The following PCDHGB6 variants were observed in gnomAD, a reference collection of about 807,000 sequenced individuals.
PCDHGB6 encodes protocadherin gamma subfamily B, 6.
A neutral mutation model predicts 59.1 loss-of-function variants in PCDHGB6; 51 were observed. The ratio of observed to expected loss-of-function variants is 0.86; its 90% CI spans 0.69 to 1.09. PCDHGB6 has a LOEUF of 1.09. Ranked by LOEUF, PCDHGB6 falls within the 50% of genes least tolerant of loss-of-function variation. PCDHGB6 has a pLI of 0.00. For missense variants in PCDHGB6, 1,148 were observed against 1,205.1 expected (o/e 0.95, Z 0.70); for synonymous variants, 466 against 495.1 (o/e 0.94, Z 0.78).
chr5:141,422,976 G>A lies in PCDHGB6; in HGVS notation c.2418+12356G>A, dbSNP rs558006468. On this transcript the variant is annotated intron_variant, in intron 1 of 3. Transcript: ENST00000520790. The stretch of plus-strand genomic sequence containing the variant: ...GCGTGGAGCTGGCGCCCCGCTCTGC[G>A]GAACCTGGCTACCTGGTGACCAAGG... 27 of 1,614,212 alleles carry A rather than the reference G, an allele frequency of 1.7e-5. No homozygotes were observed. In the East Asian group the frequency reaches 4.7e-4, roughly 28 times the overall value.
intron 1 of PCDHGB6, chr5:141,414,929 C>T (rs2095802879): frequency 6.2e-7 from 1 of 1,614,152 alleles, no homozygotes; most frequent in Non-Finnish European, 8.5e-7. Context: ...GCGCCCCGCT[C>T]CGCAGAGCCC....
At position 141,490,591 on chromosome 5, in the gene PCDHGB6, G is replaced by A; in HGVS notation, c.2419-4216G>A. 1 of 1,614,100 alleles carries A rather than the reference G, an allele frequency of 6.2e-7. No homozygotes were observed. Among genetic ancestry groups the A allele is most frequent in the African/African-American group, 1.3e-5 (1 of 75,016 alleles). ...CAACATTTCAGATGTCAATGACAAT[G>A]CACCCCGCTTCAACCAGCAGCTTTA... On this transcript the variant is annotated intron_variant, in intron 1 of 3. Coordinates refer to ENST00000520790, the MANE Select transcript of PCDHGB6 (RefSeq NM_018926.3). This position sits in a 1 kb window ranked among gnomAD's most constrained non-coding sequence, Gnocchi z 5.4.
intron 1 of PCDHGB6, among the ~76,000 whole-genome samples, chr5:141,474,266 G>A (rs1420620306): frequency 6.6e-6 from 1 of 152,186 alleles, no homozygotes; most frequent in Non-Finnish European, 1.5e-5. Context: ...ATAAACCAGT[G>A]TATCTCTGAA....
chr5:141,441,750 A>C, intron 1 of PCDHGB6: 1 of 374,962 alleles, frequency 2.7e-6, no homozygotes, highest in South Asian at 2.1e-5. Context: ...GCTCGGCGTC[A>C]ACGTGAGCCT....
chr5:141,414,909 C>G (rs1230113440), intron 1 of PCDHGB6: 4 of 1,614,220 alleles, frequency 2.5e-6, no homozygotes, highest in Non-Finnish European at 3.4e-6. Context: ...GTTCCACAGG[C>G]GTGGAGCTGG....
intron 1 of PCDHGB6, among the ~76,000 whole-genome samples, chr5:141,492,170 C>A (rs1383768075): frequency 6.6e-6 from 1 of 152,226 alleles, no homozygotes; most frequent in Non-Finnish European, 1.5e-5. Context: ...ATCCCCGCAT[C>A]ACCCAACCGC....
rs1594951324 is a variant in PCDHGB6, at chr5:141,490,871, T to G, written c.2419-3936T>G. 6.2e-7 allele frequency: 1 copy of G among 1,613,918 alleles called. No individual in the cohort carries two copies. The highest frequency in any genetic ancestry group is 8.5e-7 in the Non-Finnish European group (1 of 1,179,944). On this transcript the variant is annotated intron_variant, in intron 1 of 3. Coordinates refer to ENST00000520790, the MANE Select transcript of PCDHGB6 (RefSeq NM_018926.3). This position sits in a 1 kb window ranked among gnomAD's most constrained non-coding sequence, Gnocchi z 5.4. ...GTTCGAGACTCCGGCTCTCCCCCAT[T>G]GCATGCCAACACATCTCTGCATGTG...
chr5:141,489,111 C>G lies in PCDHGB6; in HGVS notation c.2419-5696C>G. 1.9e-6 allele frequency: 1 copy of G among 518,042 alleles called. No individual in the cohort carries two copies. Among genetic ancestry groups the G allele is most frequent in the Non-Finnish European group, 3.2e-6 (1 of 308,182 alleles). The allele number at this position is 518,042 out of a possible 1,614,324, so 32.1% of individuals were successfully genotyped here. The stretch of plus-strand genomic sequence containing the variant: ...GTGACTAAGAACTGCTGCAAGCAGG[C>G]AAACCTCCGAGCAGTTTTTAAGAGG... On this transcript the variant is annotated intron_variant, in intron 1 of 3. Coordinates refer to ENST00000520790, the MANE Select transcript of PCDHGB6 (RefSeq NM_018926.3). This position sits in a 1 kb window ranked among gnomAD's most constrained non-coding sequence, Gnocchi z 4.5.
intron 1 of PCDHGB6, chr5:141,421,236 TCGGCTACAG>T (rs761399164): frequency 3.8e-5 from 60 of 1,594,916 alleles, no homozygotes; most frequent in Non-Finnish European, 5.1e-5. Flanking sequence ...CCATGGCGAA[TCGGCTACAG>T]CGCGGGGACC....
intron 1 of PCDHGB6, among the ~76,000 whole-genome samples, chr5:141,465,592 A>G (rs1485357197): frequency 6.6e-6 from 1 of 152,046 alleles, no homozygotes; most frequent in Non-Finnish European, 1.5e-5. Flanking sequence ...TAATAATCAG[A>G]TCTTATCACT....
At chr5:141,411,250 T>C (rs1009574489) in intron 1 of PCDHGB6, 1 of 152,156 alleles carries the variant, frequency 6.6e-6, no homozygotes, top group African/African-American at 2.4e-5. Context: ...ATTTACGATA[T>C]CTTATTTATA....
chr5:141,490,151 T>C lies in PCDHGB6; in HGVS notation c.2419-4656T>C, dbSNP rs1449636059. The stretch of plus-strand genomic sequence containing the variant: ...GACCCTAGCAGTGGGGCAATCCATG[T>C]GTTGGGTCCCATAGACTTTGAGGAG... On this transcript the variant is annotated intron_variant, in intron 1 of 3. Transcript: ENST00000520790. The surrounding 1 kb of genome is among the most constrained non-coding windows in gnomAD (Gnocchi z 5.4). 4 of 1,614,210 alleles carry C rather than the reference T, an allele frequency of 2.5e-6. No homozygotes were observed. The highest frequency in any genetic ancestry group is 3.4e-6 in the Non-Finnish European group (4 of 1,180,018).
At chr5:141,469,249 C>T (rs1025813940) in intron 1 of PCDHGB6, among the ~76,000 whole-genome samples, 1 of 152,026 alleles carries the variant, frequency 6.6e-6, no homozygotes, top group Non-Finnish European at 1.5e-5. Flanking sequence ...TGCACTCCAG[C>T]TTGGGCAACA....
Position 141,432,123 on chromosome 5 carries a change from C to G in PCDHGB6, c.2418+21503C>G, listed in dbSNP as rs1224794803. On this transcript the variant is annotated intron_variant, in intron 1 of 3. Transcript: ENST00000520790. This position sits in a 1 kb window ranked among gnomAD's most constrained non-coding sequence, Gnocchi z 6.0. ...GACAACCCGCCGGTCTTCCCTCAGG[C>G]CTCCTATTCCGCTTATATCCCAGAG... 1 of 1,614,172 alleles carries G rather than the reference C, an allele frequency of 6.2e-7. No homozygotes were observed. Among genetic ancestry groups the G allele is most frequent in the Admixed American group, 1.7e-5 (1 of 60,022 alleles).
chr5:141,435,334 T>A (rs1223377462), intron 1 of PCDHGB6, among the ~76,000 whole-genome samples: 1 of 152,196 alleles, frequency 6.6e-6, no homozygotes, highest in African/African-American at 2.4e-5. Flanking sequence ...ATATAGTGAA[T>A]TTATTTCTTC....
chr5:141,428,145 A>G (rs748256830), intron 1 of PCDHGB6: 10 of 1,592,574 alleles, frequency 6.3e-6, no homozygotes, highest in African/African-American at 1.3e-5. Context: ...GGGGCTGCAC[A>G]CGGGAACCTG....
chr5:141,468,282 G>A (rs1368214716), intron 1 of PCDHGB6, among the ~76,000 whole-genome samples: 1 of 140,012 alleles, frequency 7.1e-6, no homozygotes, highest in African/African-American at 2.7e-5. Context: ...CCGAGACCAC[G>A]CCATTGCACC....
intron 2 of PCDHGB6, among the ~76,000 whole-genome samples, chr5:141,499,314 A>C (rs2099791047): frequency 6.6e-6 from 1 of 152,238 alleles, no homozygotes; most frequent in Non-Finnish European, 1.5e-5. Context: ...TCTGAGAGAC[A>C]GTATCCCTGC....
In PCDHGB6 at chr5:141,408,936, A is replaced by T; in HGVS notation, c.734A>T (p.Asp245Val). Residue 245 changes from aspartate to valine, a missense_variant, in exon 1 of 4, where the codon GAC becomes GTC. This residue lies in a region of PCDHGB6 where 307 missense variants were observed against 323.8 expected (regional missense o/e 0.95). Coordinates refer to ENST00000520790, the MANE Select transcript of PCDHGB6 (RefSeq NM_018926.3). ...GATAACCCCCCGGTTTTCAGCAGAG[A>T]CGAATATAGAATTAGTCTTAGTGAA... is the stretch of plus-strand genomic sequence containing the variant. ...TNDNPPVFSR[D>V]EYRISLSENL... The T allele has an allele frequency of 2.5e-6, 4 of 1,613,548 alleles. No individual in the cohort carries two copies. The highest frequency in any genetic ancestry group is 1.7e-6 in the Non-Finnish European group (2 of 1,179,744).
Sources: allele counts gnomAD v4.1 joint callset (sites outside exome capture counted in the v4.1 genomes callset), GRCh38; gene constraint gnomAD v4.1.1; regional missense constraint gnomAD v4.1.1; non-coding constraint Gnocchi (gnomAD v3.1); transcripts MANE v1.5; gene names NCBI Gene and HGNC (gene_info 2026-07-23, HGNC 2026-07-21).